Variants in ADAMTS13 observed in about 807,000 individuals in gnomAD.
The protein encoded by ADAMTS13 is ADAM metallopeptidase with thrombospondin type 1 motif 13, also known as A disintegrin and metalloproteinase with thrombospondin motifs 13.
In ADAMTS13, 110 loss-of-function variants were observed where a neutral mutation model predicts 155.1. That is an observed-to-expected ratio of 0.71 (90% CI 0.61 to 0.83). ADAMTS13 has a LOEUF of 0.83. Among genes scored for constraint, ADAMTS13 ranks in the 40% least tolerant of loss-of-function variants. The pLI is 0.00. For synonymous variants in ADAMTS13, 758 were observed against 756.4 expected (o/e 1.00, Z -0.03); for missense variants, 1,707 against 1,891.7 (o/e 0.90, Z 1.81).
chr9:133,422,569 G>A (rs199670942), intron 1 of ADAMTS13, 21 bp downstream of exon 1: 38 of 1,612,526 alleles, frequency 2.4e-5, no homozygotes, highest in African/African-American at 4.0e-5. Flanking sequence ...TTGCAGGAGC[G>A]GGGGTATTCT....
At position 133,459,115 on chromosome 9, in the gene ADAMTS13, A is replaced by G; in HGVS notation, c.4051A>G (p.Thr1351Ala). The change falls in exon 29 of 29, where the codon ACC becomes GCC. Residue 1351 changes from threonine to alanine, a missense_variant. Physicochemically the swap from Thr to Ala is moderately conservative, Grantham distance 58. Around this residue, in one of 3 missense-constraint regions of ADAMTS13, gnomAD observed 961 missense variants for 1,107.9 expected, o/e 0.87. Coordinates refer to ENST00000355699, the MANE Select transcript of ADAMTS13 (RefSeq NM_139027.6). ...GGCCAGCCTGCGGGGCCAGTACTGGACCCTCCAATCATGGGTACCGGAGAT... is the reference window on the plus strand; with the variant it reads ...GGCCAGCCTGCGGGGCCAGTACTGGGCCCTCCAATCATGGGTACCGGAGAT... ...AQASLRGQYW[T>A]LQSWVPEMQD... is the part of the protein sequence containing the mutation. The G allele has an allele frequency of 6.2e-7, 1 of 1,612,810 alleles. No homozygotes were observed. Among genetic ancestry groups the G allele is most frequent in the Non-Finnish European group, 8.5e-7 (1 of 1,179,910 alleles).
Position 133,450,357 on chromosome 9 carries a change from T to C in ADAMTS13, c.3044+392T>C, listed in dbSNP as rs587609475. ...GCTGAGGCGGGCAGATCACCTGAGG[T>C]TGGGAGTTCGAGACCAGCCTGTCCA... On this transcript the variant is annotated intron_variant, in intron 23 of 28. Transcript: ENST00000355699. 1.8e-4 allele frequency among the ~76,000 whole-genome samples: 27 copies of C among 151,670 alleles called. No individual in the cohort carries two copies. In the South Asian group the frequency reaches 2.3e-3, roughly 13 times the overall value.
At position 133,448,738 on chromosome 9, in the gene ADAMTS13, G is replaced by T. The variant is rs1588195992; in HGVS notation, c.2861+10G>T. On this transcript the variant is annotated intron_variant, in intron 22 of 28. Transcript: ENST00000355699. ...TCCCGTGCCCTGCTCGGTGAGTGAG[G>T]GGAGCAAGACTGTGTGCTGGCCTTC... 3.1e-6 allele frequency: 5 copies of T among 1,599,100 alleles called. No homozygotes were observed. Among genetic ancestry groups the T allele is most frequent in the Non-Finnish European group, 3.4e-6 (4 of 1,179,550 alleles).
intron 2 of ADAMTS13, among the ~76,000 whole-genome samples, chr9:133,423,546 TCC>T (rs1370771200): frequency 6.6e-6 from 1 of 152,180 alleles, no homozygotes; most frequent in Non-Finnish European, 1.5e-5. Context: ...TCAGGCTACC[TCC>T]TAAGGCCATG....
rs908360296 is a variant in ADAMTS13 at position 133,424,548 on chromosome 9, G to A, written c.330+70G>A. The A allele has an allele frequency of 7.1e-6, 11 of 1,559,122 alleles. No individual in the cohort carries two copies. In the East Asian group the frequency reaches 9.6e-5, roughly 14 times the overall value. On this transcript the variant is annotated intron_variant, in intron 3 of 28. Coordinates refer to ENST00000355699, the MANE Select transcript of ADAMTS13 (RefSeq NM_139027.6). The surrounding 1 kb of genome is among the most constrained non-coding windows in gnomAD (Gnocchi z 4.3). Reference sequence around the variant, plus strand: ...TGGTGACCAATGTCTGTGGGCTGGTGTATCTGGTAGTCTGAATACAGTGGG... The same window carrying A: ...TGGTGACCAATGTCTGTGGGCTGGTATATCTGGTAGTCTGAATACAGTGGG...
Position 133,456,708 on chromosome 9 carries a change from CCTT to C in ADAMTS13, c.3716_3718del (p.Phe1239del). The C allele has an allele frequency of 6.4e-7, 1 of 1,566,820 alleles. No individual in the cohort carries two copies. ...TATGGGAGCCAGCTTGCTCCTGAAA[CCTT>C]CTACAGAGGTATGGCCAGGCCTTCT... On this transcript the variant is annotated inframe_deletion, in exon 27 of 29. Coordinates refer to ENST00000355699, the MANE Select transcript of ADAMTS13 (RefSeq NM_139027.6). The surrounding 1 kb of genome is among the most constrained non-coding windows in gnomAD (Gnocchi z 4.4).
Position 133,459,200 on chromosome 9 carries a change from C to G in ADAMTS13, c.*20C>G. ...ACCTGAGGGTCATTGAACATTTGTT[C>G]CGTGTCTGGCCAGCCCTGGAGGGTT... On this transcript the variant is annotated 3_prime_UTR_variant, in exon 29 of 29. Transcript: ENST00000355699. 1 of 1,588,194 alleles carries G rather than the reference C, an allele frequency of 6.3e-7. No homozygotes were observed. Among genetic ancestry groups the G allele is most frequent in the African/African-American group, 1.3e-5 (1 of 74,496 alleles).
chr9:133,439,419 A>G lies in ADAMTS13; in HGVS notation c.1759A>G (p.Asn587Asp). The stretch of plus-strand genomic sequence containing the variant: ...CAACCTGACCAGTGTCTACATTGCC[A>G]ACCACAGGCCTCTCTTCACACACTT... ...TPNLTSVYIA[N>D]HRPLFTHLAV... The change falls in exon 15 of 29, where the codon AAC becomes GAC. Residue 587 changes from asparagine (N) to aspartate (D), a missense_variant. Coordinates refer to ENST00000355699, the MANE Select transcript of ADAMTS13 (RefSeq NM_139027.6). 6.2e-7 allele frequency: 1 copy of G among 1,614,082 alleles called. No individual in the cohort carries two copies. Among genetic ancestry groups the G allele is most frequent in the Non-Finnish European group, 8.5e-7 (1 of 1,179,926 alleles).
intron 11 of ADAMTS13, among the ~76,000 whole-genome samples, chr9:133,434,028 A>G (rs1554788319): frequency 2.0e-5 from 3 of 151,894 alleles, no homozygotes; most frequent in African/African-American, 7.3e-5. Context: ...CCCAGGAGGT[A>G]GAGCTTGCAG....
chr9:133,428,652 C>G lies in ADAMTS13; in HGVS notation c.705C>G (p.Asp235Glu). Residue 235 changes from aspartate to glutamate, a missense_variant, in exon 7 of 29, where the codon GAC becomes GAG. By Grantham distance (45) the Asp-to-Glu change is conservative (BLOSUM62 2). Transcript: ENST00000355699. ...CGACCAGCTTCGGCCTGGAGCACGA[C>G]GGCGCGCCCGGCAGCGGCTGCGGCC... The part of the protein sequence containing the change: ...EIGHSFGLEH[D>E]GAPGSGCGPS... 1 of 1,352,280 alleles carries G rather than the reference C, an allele frequency of 7.4e-7. No individual in the cohort carries two copies. Among genetic ancestry groups the G allele is most frequent in the East Asian group, 3.4e-5 (1 of 29,328 alleles). The allele number at this position is 1,352,280 out of a possible 1,614,324, so 83.8% of individuals were successfully genotyped here. A position where few individuals can be genotyped will look rare whatever the true frequency, so the allele number is the denominator to read the frequency against.
At chr9:133,431,810 A>G (rs1392154375) in intron 8 of ADAMTS13, among the ~76,000 whole-genome samples, 2 of 152,058 alleles carry the variant, frequency 1.3e-5, no homozygotes, top group African/African-American at 4.8e-5. Context: ...GCCTGCCACC[A>G]CACCCGGCTA....
chr9:133,414,735 C>T lies in ADAMTS13; in HGVS notation n.287+91C>T, dbSNP rs140261963. 95 of 1,614,162 alleles carry T rather than the reference C, an allele frequency of 5.9e-5. 1 individual carries two copies. The African/African-American group carries it at 1.1e-3, about 18-fold the overall frequency. On this transcript the variant is annotated intron_variant and non_coding_transcript_variant, in intron 1 of 17. Transcript: ENST00000485925. The stretch of plus-strand genomic sequence containing the variant: ...TGCTCGATGTCCCCTCGTTCTGGAA[C>T]AATATCACCATTTGTCCTTTCCTTG...
In ADAMTS13 at chr9:133,445,263, G is replaced by A. The variant is rs782119128; in HGVS notation, c.2610+211G>A. On this transcript the variant is annotated intron_variant, in intron 20 of 28. Transcript: ENST00000355699. The surrounding 1 kb of genome is among the most constrained non-coding windows in gnomAD (Gnocchi z 5.0). ...AAGGCTCCCATTCCCCTTGCAAGCC[G>A]GGCTGAGGGAAGCATCTGAGGAGAG... is the stretch of plus-strand genomic sequence containing the variant. 1.3e-5 allele frequency among the ~76,000 whole-genome samples: 2 copies of A among 152,214 alleles called. No individual in the cohort carries two copies. Among genetic ancestry groups the A allele is most frequent in the African/African-American group, 4.8e-5 (2 of 41,448 alleles).
intron 23 of ADAMTS13, among the ~76,000 whole-genome samples, chr9:133,453,601 G>A (rs988431237): frequency 3.3e-5 from 5 of 152,234 alleles, no homozygotes; most frequent in African/African-American, 1.2e-4. Context: ...GGTTGAGGCT[G>A]CAGTGAGCCG....
intron 8 of ADAMTS13, among the ~76,000 whole-genome samples, chr9:133,431,545 C>T (rs1421975925): frequency 1.3e-5 from 2 of 152,024 alleles, no homozygotes; most frequent in Non-Finnish European, 2.9e-5. Context: ...CCGGGCTGGT[C>T]TCGAATTCTG....
chr9:133,428,971 C>G (rs1167321686), intron 7 of ADAMTS13, among the ~76,000 whole-genome samples, 200 bp downstream of exon 7: 1 of 143,296 alleles, frequency 7.0e-6, no homozygotes, highest in Non-Finnish European at 1.5e-5. Context: ...CTCCAGCCAG[C>G]CCGCTGGGCC....
At chr9:133,421,874 G>C (rs1014969330), upstream of ADAMTS13, 1 of 156,782 alleles carries the variant, frequency 6.4e-6, no homozygotes, top group African/African-American at 2.4e-5. Context: ...TGTGAAGTGA[G>C]TCTTCCAGGA....
chr9:133,415,004 A>G, intron 1 of ADAMTS13: 1 of 1,581,166 alleles, frequency 6.3e-7, no homozygotes. Context: ...TTTTTGTTTC[A>G]GCAGCCACTG....
chr9:133,450,581 AAAAG>A (rs1564439088), intron 23 of ADAMTS13, among the ~76,000 whole-genome samples: 4 of 151,572 alleles, frequency 2.6e-5, no homozygotes, highest in African/African-American at 4.8e-5. Context: ...AAAAAAAAAA[AAAAG>A]AAAACCCACA....
Sources: allele counts gnomAD v4.1 joint callset (sites outside exome capture counted in the v4.1 genomes callset), GRCh38; gene constraint gnomAD v4.1.1; regional missense constraint gnomAD v4.1.1; non-coding constraint Gnocchi (gnomAD v3.1); transcripts MANE v1.5; gene names NCBI Gene and HGNC (gene_info 2026-07-23, HGNC 2026-07-21).